Variants in STARD13 observed in about 807,000 individuals in gnomAD.
The protein encoded by STARD13 is stAR-related lipid transfer protein 13.
In STARD13, 62 loss-of-function variants were observed where a neutral mutation model predicts 106.4. That is an observed-to-expected ratio of 0.58 (90% CI 0.48 to 0.72). The LOEUF is 0.72. Among genes scored for constraint, STARD13 ranks in the 30% least tolerant of loss-of-function variants. The pLI, the probability that STARD13 is intolerant of heterozygous loss-of-function variation, is 0.00. For synonymous variants in STARD13, 565 were observed against 553.0 expected (o/e 1.02, Z -0.31); for missense variants, 1,387 against 1,424.0 (o/e 0.97, Z 0.42).
chr13:33,111,668 C>T (rs1874587526), intron 10 of STARD13, 110 bp downstream of exon 10: 1 of 699,770 alleles, frequency 1.4e-6, no homozygotes, highest in Admixed American at 2.4e-5. Context: ...ATACTATTGT[C>T]ATAAAATCAG....
chr13:33,551,208 T>C, the STARD13 span, among the ~76,000 whole-genome samples: 1 of 152,232 alleles, frequency 6.6e-6, no homozygotes, highest in African/African-American at 2.4e-5. Context: ...TTTGTGGATG[T>C]GCCTGCATGA....
At chr13:33,337,782 A>G (rs1191208740) in intron 1 of STARD13, among the ~76,000 whole-genome samples, 2 of 152,248 alleles carry the variant, frequency 1.3e-5, no homozygotes, top group Non-Finnish European at 2.9e-5. Context: ...TGGCTCTACA[A>G]GGAACTGGCT....
At chr13:33,338,725 A>G (rs911636464) in intron 1 of STARD13, among the ~76,000 whole-genome samples, 3 of 152,008 alleles carry the variant, frequency 2.0e-5, no homozygotes, top group African/African-American at 7.3e-5. Flanking sequence ...TCTACTAAAA[A>G]TACAAAAAAT....
At chr13:33,350,079 G>C (rs985230833) in intron 1 of STARD13, among the ~76,000 whole-genome samples, 1 of 152,232 alleles carries the variant, frequency 6.6e-6, no homozygotes, top group South Asian at 2.1e-4. Flanking sequence ...GCGCGCGTCC[G>C]GCACGGAGCC....
At chr13:33,190,680 G>C (rs1017701802) in intron 1 of STARD13, among the ~76,000 whole-genome samples, 1 of 151,358 alleles carries the variant, frequency 6.6e-6, no homozygotes, top group Non-Finnish European at 1.5e-5. Flanking sequence ...TCCGCCTCCA[G>C]GGTTCAAGCG....
At chr13:33,256,202 T>C (rs74045749) in intron 1 of STARD13, among the ~76,000 whole-genome samples, 3,798 of 152,326 alleles carry the variant, frequency 0.025, 158 homozygotes, top group African/African-American at 0.087. Context: ...GTGACCACTC[T>C]GATGTGCAGA....
chr13:33,659,562 G>C, the STARD13 span, among the ~76,000 whole-genome samples: 1 of 152,134 alleles, frequency 6.6e-6, no homozygotes, highest in South Asian at 2.1e-4. Flanking sequence ...TTGTGGGACT[G>C]AGCCCTGAAC....
At chr13:33,514,638 T>G in the STARD13 span, among the ~76,000 whole-genome samples, 1 of 152,120 alleles carries the variant, frequency 6.6e-6, no homozygotes, top group African/African-American at 2.4e-5. Flanking sequence ...CTGTTACCTT[T>G]GCAGCTGCAC....
chr13:33,433,749 G>C, the STARD13 span, among the ~76,000 whole-genome samples: 5 of 152,198 alleles, frequency 3.3e-5, no homozygotes, highest in African/African-American at 1.2e-4. Context: ...TTAAAAATAT[G>C]GCCTGTGTCC....
chr13:33,179,955 C>T (rs1191900166), intron 1 of STARD13, among the ~76,000 whole-genome samples: 1 of 152,232 alleles, frequency 6.6e-6, no homozygotes, highest in African/African-American at 2.4e-5. Context: ...GAAGTAGAAT[C>T]TCATGCTCCT....
intron 1 of STARD13, among the ~76,000 whole-genome samples, chr13:33,322,768 C>T (rs941254070): frequency 1.3e-5 from 2 of 152,202 alleles, no homozygotes; most frequent in African/African-American, 4.8e-5. Flanking sequence ...TCTTTAAAAA[C>T]CTAAGTCGAT....
the STARD13 span, among the ~76,000 whole-genome samples, chr13:33,556,122 G>A: frequency 4.9e-4 from 75 of 152,234 alleles, 1 homozygote; most frequent in African/African-American, 1.5e-3. Flanking sequence ...CTTTTAATAC[G>A]TTAGATTTCT....
chr13:33,117,281 G>C (rs953526387), intron 8 of STARD13, among the ~76,000 whole-genome samples: 2 of 152,052 alleles, frequency 1.3e-5, no homozygotes, highest in African/African-American at 4.8e-5. Context: ...GCTAATTTTT[G>C]TATCTTTTAG....
At chr13:33,348,914 TC>T (rs1043104902) in exon 2 of STARD13, 6 of 534,460 alleles carry the variant, frequency 1.1e-5, no homozygotes, top group African/African-American at 5.7e-5. Context: ...GTTGGAATCA[TC>T]CATAATCTCC....
the STARD13 span, among the ~76,000 whole-genome samples, chr13:33,657,884 G>A: frequency 3.3e-5 from 5 of 152,188 alleles, no homozygotes; most frequent in African/African-American, 4.8e-5. Flanking sequence ...ATTTTATGGT[G>A]TATAGTGTAT....
At chr13:33,502,803 T>C in the STARD13 span, among the ~76,000 whole-genome samples, 40 of 152,332 alleles carry the variant, frequency 2.6e-4, no homozygotes, top group East Asian at 7.3e-3. Flanking sequence ...TTATTGAGGA[T>C]TTTTGCTTCA....
At chr13:33,465,362 C>T in the STARD13 span, among the ~76,000 whole-genome samples, 48 of 152,040 alleles carry the variant, frequency 3.2e-4, no homozygotes, top group East Asian at 6.4e-3. Flanking sequence ...CCCGCCACCA[C>T]GCCCGGCTAA....
At chr13:33,439,222 T>G in the STARD13 span, among the ~76,000 whole-genome samples, 1 of 152,242 alleles carries the variant, frequency 6.6e-6, no homozygotes, top group Non-Finnish European at 1.5e-5. Context: ...AAAATAAGAT[T>G]CCACAAATAA....
chr13:33,625,548 G>A, the STARD13 span, among the ~76,000 whole-genome samples: 1 of 151,104 alleles, frequency 6.6e-6, no homozygotes, highest in African/African-American at 2.5e-5. Flanking sequence ...CCAGCCTGGC[G>A]ACAGAGCGAG....
Sources: allele counts gnomAD v4.1 joint callset (sites outside exome capture counted in the v4.1 genomes callset), GRCh38; gene constraint gnomAD v4.1.1; transcripts MANE v1.5; gene names NCBI Gene and HGNC (gene_info 2026-07-23, HGNC 2026-07-21).